Variants in SRGAP1 observed in about 807,000 individuals in gnomAD.
The protein encoded by SRGAP1 is SLIT-ROBO Rho GTPase-activating protein 1.
Under a neutral mutation model 121.9 loss-of-function variants are expected in SRGAP1, and 43 were observed. The ratio of observed to expected loss-of-function variants is 0.35; its 90% confidence interval spans 0.28 to 0.46. The LOEUF (loss-of-function observed/expected upper bound fraction) is 0.46. Among genes scored for constraint, SRGAP1 ranks in the 20% least tolerant of loss-of-function variants. The pLI is 1.00. For synonymous variants in SRGAP1, 447 were observed against 485.4 expected, an observed-to-expected ratio of 0.92 and a Z score of 1.04; for missense variants, 1,102 against 1,350.9, an observed-to-expected ratio of 0.82 and a Z score of 2.89.
intron 14 of SRGAP1, among the ~76,000 whole-genome samples, chr12:64,095,897 G>T (rs1367376617): frequency 1.3e-5 from 2 of 152,092 alleles, no homozygotes; most frequent in East Asian, 3.9e-4. Context: ...ATTCCAATTA[G>T]CACATTATAA....
chr12:64,035,323 C>T (rs2034880544), intron 4 of SRGAP1, among the ~76,000 whole-genome samples: 1 of 107,082 alleles, frequency 9.3e-6, no homozygotes, highest in South Asian at 3.8e-4. Flanking sequence ...ACCCTGAAGT[C>T]CAGCAACTGC....
chr12:64,134,285 G>C (rs192472002), intron 21 of SRGAP1, among the ~76,000 whole-genome samples: 2 of 152,012 alleles, frequency 1.3e-5, no homozygotes, highest in Non-Finnish European at 1.5e-5. Flanking sequence ...GCTGGGAGTG[G>C]TGGTGGGTGC....
chr12:64,118,368 C>A (rs370631375), intron 18 of SRGAP1, among the ~76,000 whole-genome samples: 4 of 152,058 alleles, frequency 2.6e-5, no homozygotes, highest in African/African-American at 9.7e-5. Flanking sequence ...TTCCCCGGCT[C>A]CAGTGATCCT....
intron 4 of SRGAP1, among the ~76,000 whole-genome samples, chr12:64,022,465 A>AT (rs2034570991): frequency 6.6e-6 from 1 of 152,166 alleles, no homozygotes; most frequent in Non-Finnish European, 1.5e-5. Flanking sequence ...ACCCACCTAT[A>AT]TTGGAGAGGG....
chr12:63,881,347 A>G (rs966457443), intron 1 of SRGAP1, among the ~76,000 whole-genome samples: 3 of 152,248 alleles, frequency 2.0e-5, no homozygotes, highest in Non-Finnish European at 4.4e-5. Context: ...CACCTGCGTA[A>G]TAACAGTCAT....
intron 18 of SRGAP1, among the ~76,000 whole-genome samples, chr12:64,123,918 C>T (rs888972366): frequency 9.9e-5 from 15 of 152,118 alleles, no homozygotes; most frequent in African/African-American, 2.4e-4. Flanking sequence ...AAATATTATT[C>T]GCCTCAAACA....
At chr12:63,992,157 G>A (rs1176290841) in intron 3 of SRGAP1, among the ~76,000 whole-genome samples, 1 of 152,212 alleles carries the variant, frequency 6.6e-6, no homozygotes, top group Non-Finnish European at 1.5e-5. Context: ...GTGATGGGAT[G>A]TGAAGCTAGA....
chr12:63,906,314 G>GT (rs961416782), intron 1 of SRGAP1, among the ~76,000 whole-genome samples: 224 of 151,026 alleles, frequency 1.5e-3, no homozygotes, highest in African/African-American at 5.3e-3. Flanking sequence ...TTTGTTTCTG[G>GT]TTTTTTTTGT....
chr12:63,990,765 G>A (rs894971296), intron 3 of SRGAP1, among the ~76,000 whole-genome samples: 14 of 152,130 alleles, frequency 9.2e-5, no homozygotes, highest in Non-Finnish European at 1.8e-4. Context: ...TGAATTCTTT[G>A]TTTGGGGCTC....
At chr12:63,924,898 A>G (rs967819092) in intron 1 of SRGAP1, among the ~76,000 whole-genome samples, 2 of 152,216 alleles carry the variant, frequency 1.3e-5, no homozygotes, top group Admixed American at 1.3e-4. Flanking sequence ...TGCCAAATGA[A>G]TGATTGAATT....
At chr12:63,939,011 C>T (rs910946488) in intron 1 of SRGAP1, among the ~76,000 whole-genome samples, 7 of 143,260 alleles carry the variant, frequency 4.9e-5, no homozygotes, top group African/African-American at 2.0e-4. Flanking sequence ...CAAAAATTAG[C>T]CAGGTGTGAT....
At chr12:64,076,303 A>G (rs1593104345) in intron 8 of SRGAP1, among the ~76,000 whole-genome samples, 1 of 152,224 alleles carries the variant, frequency 6.6e-6, no homozygotes, top group East Asian at 1.9e-4. Context: ...AACTCCAGAT[A>G]TTGGGATTAT....
chr12:64,102,106 A>G (rs1185921289), intron 15 of SRGAP1, among the ~76,000 whole-genome samples: 1 of 152,358 alleles, frequency 6.6e-6, no homozygotes, highest in South Asian at 2.1e-4. Context: ...CCACAATACC[A>G]TTATCATACC....
In SRGAP1 at chr12:63,990,078, C is replaced by G; in HGVS notation, c.426+6C>G. 6.3e-7 allele frequency: 1 copy of G among 1,593,720 alleles called. No individual in the cohort carries two copies. The highest frequency in any genetic ancestry group is 8.5e-7 in the Non-Finnish European group (1 of 1,170,916). The stretch of plus-strand genomic sequence containing the variant: ...CTACCAGGATGTTTAAAAAGGTACA[C>G]TCCATAAATCCTGCCATAGTGTGCT... On this transcript the variant is annotated splice_donor_region_variant and intron_variant, in intron 3 of 21. Coordinates refer to ENST00000355086, the MANE Select transcript of SRGAP1 (RefSeq NM_020762.4).
At chr12:63,895,784 G>A (rs191241588) in intron 1 of SRGAP1, among the ~76,000 whole-genome samples, 22 of 152,262 alleles carry the variant, frequency 1.4e-4, no homozygotes, top group African/African-American at 4.3e-4. Context: ...TGTTAACTTC[G>A]TTAGCAACTA....
At chr12:63,876,146 A>C (rs1436602509) in intron 1 of SRGAP1, among the ~76,000 whole-genome samples, 2 of 152,218 alleles carry the variant, frequency 1.3e-5, no homozygotes, top group Non-Finnish European at 2.9e-5. Context: ...AAAAGATTGA[A>C]GAAATGGTAA....
chr12:64,159,485 AAAC>A lies in SRGAP1; in HGVS notation c.*16815_*16817del, dbSNP rs1252452743. ...CATCTCAACAAACAAACAAACAAAC[AAAC>A]AGTAGCTGGTTGTGGTGGTGTGTGA... is the stretch of plus-strand genomic sequence containing the variant. On this transcript the variant is annotated 3_prime_UTR_variant, in exon 22 of 22. Coordinates refer to ENST00000355086, the MANE Select transcript of SRGAP1 (RefSeq NM_020762.4). 1 of 156,016 alleles carries A rather than the reference AAAC, an allele frequency of 6.4e-6. No individual in the cohort carries two copies. Among genetic ancestry groups the A allele is most frequent in the Non-Finnish European group, 1.4e-5 (1 of 71,320 alleles). 9.7% of individuals were successfully genotyped at this position (156,016 alleles called of 1,614,324 possible).
chr12:63,912,201 ACTCATTTAATC>A, intron 1 of SRGAP1, among the ~76,000 whole-genome samples: 1 of 152,272 alleles, frequency 6.6e-6, no homozygotes, highest in East Asian at 1.9e-4. Flanking sequence ...ACTTGTATTA[ACTCATTTAATC>A]CTCACAGTAC....
Position 64,159,114 on chromosome 12 carries a change from T to C in SRGAP1, c.*16442T>C, listed in dbSNP as rs1592369089. 3 of 146,944 alleles carry C rather than the reference T, an allele frequency of 2.0e-5. No individual in the cohort carries two copies. Among genetic ancestry groups the C allele is most frequent in the South Asian group, 2.2e-4 (1 of 4,570 alleles). The allele number at this position is 146,944 out of a possible 1,614,324, so 9.1% of individuals were successfully genotyped here. A position where few individuals can be genotyped will look rare whatever the true frequency, so the allele number is the denominator to read the frequency against. On this transcript the variant is annotated 3_prime_UTR_variant, in exon 22 of 22. Transcript: ENST00000355086. ...TGGGAGGATCGCTTGAGCCTAGGAG[T>C]TCAAGACCAGCCTGGGCAACATAGC...
Sources: allele counts gnomAD v4.1 joint callset (sites outside exome capture counted in the v4.1 genomes callset), GRCh38; gene constraint gnomAD v4.1.1; transcripts MANE v1.5; gene names NCBI Gene and HGNC (gene_info 2026-07-23, HGNC 2026-07-21).